The following CDH12 variants were observed in gnomAD, a reference collection of about 807,000 sequenced individuals.
CDH12 encodes the protein cadherin-12.
In CDH12, 41 loss-of-function variants were observed where a neutral mutation model predicts 74.1. That is an observed-to-expected ratio of 0.55 (90% CI 0.43 to 0.72). CDH12 has a LOEUF of 0.72. Ranked by LOEUF, CDH12 falls within the 30% of genes least tolerant of loss-of-function variation. CDH12 has a pLI of 0.00. For missense variants in CDH12, 945 were observed against 977.2 expected, an observed-to-expected ratio of 0.97 and a Z score of 0.44; for synonymous variants, 399 against 355.0, an observed-to-expected ratio of 1.12 and a Z score of -1.39.
At chr5:22,220,599 A>AAT (rs76214780) in intron 3 of CDH12, among the ~76,000 whole-genome samples, 4 of 150,684 alleles carry the variant, frequency 2.7e-5, no homozygotes. Context: ...AGCTTGAGAA[A>AAT]GGGATAATTT....
intron 1 of CDH12, among the ~76,000 whole-genome samples, chr5:22,527,709 A>G (rs1737351899): frequency 6.6e-6 from 1 of 151,978 alleles, no homozygotes; most frequent in South Asian, 2.1e-4. Context: ...TTAGGTGACT[A>G]GATTTTAAAT....
chr5:22,086,268 C>T (rs1378691758), intron 4 of CDH12, among the ~76,000 whole-genome samples: 1 of 152,116 alleles, frequency 6.6e-6, no homozygotes, highest in Non-Finnish European at 1.5e-5. Context: ...CCAGATTCTA[C>T]TCCCTACTTC....
intron 4 of CDH12, among the ~76,000 whole-genome samples, chr5:22,162,239 C>A (rs914204110): frequency 6.6e-6 from 1 of 152,042 alleles, no homozygotes. Context: ...ACTTTGAAGG[C>A]CCACACCCTA....
At position 22,357,458 on chromosome 5, in the gene CDH12, AC is replaced by A. The variant is rs755001745; in HGVS notation, c.-333+47798del. On this transcript the variant is annotated intron_variant, in intron 3 of 14. Coordinates refer to ENST00000382254, the MANE Select transcript of CDH12 (RefSeq NM_004061.5). Reference sequence around the variant, plus strand: ...AGATAAAAATTAATCCATAAAAAAAACCATCATGATTTGTAAAAATGAAAAT... The same window carrying A: ...AGATAAAAATTAATCCATAAAAAAAACATCATGATTTGTAAAAATGAAAAT... Among the ~76,000 whole-genome samples, 11 of 152,160 alleles carry A rather than the reference AC, an allele frequency of 7.2e-5. 1 individual carries two copies. Among genetic ancestry groups the A allele is most frequent in the Non-Finnish European group, 1.3e-4 (9 of 68,020 alleles).
chr5:21,803,131 A>G (rs150018930), intron 9 of CDH12, among the ~76,000 whole-genome samples: 1 of 152,310 alleles, frequency 6.6e-6, no homozygotes, highest in East Asian at 1.9e-4. Flanking sequence ...TAAAAATGAA[A>G]TAGGATCATT....
intron 5 of CDH12, among the ~76,000 whole-genome samples, chr5:22,065,847 C>G (rs2150210909): frequency 6.6e-6 from 1 of 152,238 alleles, no homozygotes; most frequent in South Asian, 2.1e-4. Context: ...AAACCATAGT[C>G]AAAAGAGCAA....
At chr5:22,395,181 G>A (rs2126429915) in intron 3 of CDH12, among the ~76,000 whole-genome samples, 1 of 152,256 alleles carries the variant, frequency 6.6e-6, no homozygotes, top group Admixed American at 6.5e-5. Flanking sequence ...TATGGCAAAG[G>A]TAGAGGAATC....
intron 1 of CDH12, among the ~76,000 whole-genome samples, chr5:22,533,929 C>T (rs1737708418): frequency 6.6e-6 from 1 of 152,138 alleles, no homozygotes; most frequent in Non-Finnish European, 1.5e-5. Flanking sequence ...CTAGTCCTTG[C>T]ATTTATGAAA....
At chr5:22,270,242 T>C (rs1736329815) in intron 3 of CDH12, among the ~76,000 whole-genome samples, 2 of 152,174 alleles carry the variant, frequency 1.3e-5, no homozygotes. Context: ...TCTATTGCTA[T>C]TACTAAAACT....
At chr5:22,268,381 GA>G (rs1296680827) in intron 3 of CDH12, among the ~76,000 whole-genome samples, 3 of 151,914 alleles carry the variant, frequency 2.0e-5, no homozygotes, top group Non-Finnish European at 4.4e-5. Context: ...TTGAATCCTG[GA>G]AATACTTGAA....
chr5:22,152,930 C>T (rs1187114555), intron 4 of CDH12, among the ~76,000 whole-genome samples: 2 of 152,078 alleles, frequency 1.3e-5, no homozygotes, highest in Admixed American at 1.3e-4. Context: ...ATGTGCAACC[C>T]CCTAGGTTCA....
chr5:22,433,143 C>A (rs186459741), intron 2 of CDH12, among the ~76,000 whole-genome samples: 1 of 152,254 alleles, frequency 6.6e-6, no homozygotes, highest in East Asian at 1.9e-4. Context: ...AGTCACAAAG[C>A]CTGTGCTCAG....
chr5:22,132,899 G>A (rs1351080515), intron 4 of CDH12, among the ~76,000 whole-genome samples: 3 of 152,032 alleles, frequency 2.0e-5, no homozygotes, highest in Admixed American at 6.6e-5. Flanking sequence ...GCCATGCTCC[G>A]TGTTTTGCAC....
At chr5:22,279,622 C>G (rs567994255) in intron 3 of CDH12, among the ~76,000 whole-genome samples, 2 of 151,958 alleles carry the variant, frequency 1.3e-5, no homozygotes, top group African/African-American at 4.8e-5. Context: ...TGAGAACATG[C>G]GCTGTTTGGG....
intron 1 of CDH12, among the ~76,000 whole-genome samples, chr5:22,692,448 A>G (rs1742131489): frequency 6.6e-6 from 1 of 152,006 alleles, no homozygotes; most frequent in African/African-American, 2.4e-5. Context: ...TGTTTAATTC[A>G]TGTCTATCAG....
chr5:22,686,185 T>G (rs1237705137), intron 1 of CDH12, among the ~76,000 whole-genome samples: 1 of 152,158 alleles, frequency 6.6e-6, no homozygotes, highest in Non-Finnish European at 1.5e-5. Context: ...ATTGGGCATT[T>G]TGGTTTTTTT....
intron 4 of CDH12, among the ~76,000 whole-genome samples, chr5:22,123,223 A>G (rs561892660): frequency 2.0e-5 from 3 of 152,282 alleles, no homozygotes; most frequent in African/African-American, 7.2e-5. Flanking sequence ...TCCTTCTGCT[A>G]TGTGAGCACC....
At chr5:21,965,316 A>C (rs1336168825) in intron 6 of CDH12, among the ~76,000 whole-genome samples, 3 of 152,028 alleles carry the variant, frequency 2.0e-5, no homozygotes, top group Non-Finnish European at 4.4e-5. Flanking sequence ...GAGGGGAAAA[A>C]GGGTATATTA....
At chr5:21,837,268 T>C (rs1749586210) in intron 8 of CDH12, among the ~76,000 whole-genome samples, 1 of 152,030 alleles carries the variant, frequency 6.6e-6, no homozygotes, top group Non-Finnish European at 1.5e-5. Flanking sequence ...TCTCAGAAAC[T>C]ATATATTTTA....
Sources: gnomAD v4.1 joint callset for allele counts (sites outside exome capture counted in the v4.1 genomes callset) on GRCh38, gnomAD v4.1.1 for gene constraint, MANE v1.5 for transcripts, NCBI Gene and HGNC (gene_info 2026-07-23, HGNC 2026-07-21) for gene names.